IGF2R: variants seen among roughly 807,000 people sequenced by gnomAD.
The protein encoded by IGF2R is insulin like growth factor 2 receptor, also known as cation-independent mannose-6-phosphate receptor.
In IGF2R, 91 loss-of-function variants were observed where a neutral mutation model predicts 270.6. The observed-to-expected ratio is 0.34, with a 90% CI of 0.28 to 0.40. The LOEUF is 0.40. Among genes scored for constraint, IGF2R ranks in the 10% least tolerant of loss-of-function variants. The pLI is 1.00. For missense variants in IGF2R, 2,805 were observed against 3,188.3 expected, an observed-to-expected ratio of 0.88 and a Z score of 2.90; for synonymous variants, 1,316 against 1,258.9, an observed-to-expected ratio of 1.05 and a Z score of -0.96.
At position 160,004,610 on chromosome 6, in the gene IGF2R, A is replaced by G. The variant is rs1033953121; in HGVS notation, c.290-4400A>G. The G allele has an allele frequency of 4.7e-4, 73 of 153,978 alleles. No individual in the cohort carries two copies. Among genetic ancestry groups the G allele is most frequent in the Non-Finnish European group, 9.8e-4 (68 of 69,564 alleles). The allele number at this position is 153,978 out of a possible 1,614,324, so 9.5% of individuals were successfully genotyped here. A position where few individuals can be genotyped will look rare whatever the true frequency, so the allele number is the denominator to read the frequency against. The stretch of plus-strand genomic sequence containing the variant: ...GGGTGGTGTGGCCTGGCTGGCACCG[A>G]GGTCCCTGCGGATTCTGGAGAACCT... On this transcript the variant is annotated intron_variant, in intron 2 of 47. Transcript: ENST00000356956. This position sits in a 1 kb window ranked among gnomAD's most constrained non-coding sequence, Gnocchi z 5.2.
chr6:160,045,322 G>A (rs974778908), intron 13 of IGF2R, among the ~76,000 whole-genome samples: 2 of 152,176 alleles, frequency 1.3e-5, no homozygotes, highest in Non-Finnish European at 2.9e-5. Flanking sequence ...GTTCCCAGCT[G>A]TGGGATAAAG....
At chr6:160,006,222 C>A (rs535852645) in intron 2 of IGF2R, 6 of 158,586 alleles carry the variant, frequency 3.8e-5, no homozygotes, top group East Asian at 3.8e-4. Flanking sequence ...CTCGCGCCTC[C>A]CCCCTTCGCG....
intron 19 of IGF2R, among the ~76,000 whole-genome samples, chr6:160,054,697 T>G (rs1338192798): frequency 6.6e-6 from 1 of 152,216 alleles, no homozygotes; most frequent in Non-Finnish European, 1.5e-5. Flanking sequence ...TGGGGTGTGT[T>G]CAGTCAGTTA....
chr6:160,087,019 G>C (rs1779110881), intron 41 of IGF2R, among the ~76,000 whole-genome samples: 1 of 152,190 alleles, frequency 6.6e-6, no homozygotes, highest in Non-Finnish European at 1.5e-5. Context: ...GCAGCCTCTT[G>C]GTGGTGGCTT....
At chr6:160,098,489 T>A (rs1779413959) in intron 45 of IGF2R, among the ~76,000 whole-genome samples, 1 of 152,178 alleles carries the variant, frequency 6.6e-6, no homozygotes, top group South Asian at 2.1e-4. Context: ...GAGATTTTTT[T>A]TTCCCCAAAT....
intron 32 of IGF2R, among the ~76,000 whole-genome samples, chr6:160,072,482 T>A (rs1224721921): frequency 2.0e-5 from 3 of 152,104 alleles, no homozygotes; most frequent in Non-Finnish European, 4.4e-5. Flanking sequence ...CTGGGCAGGC[T>A]CTCCCCATGC....
intron 39 of IGF2R, among the ~76,000 whole-genome samples, chr6:160,081,040 G>A (rs945641387): frequency 1.3e-5 from 2 of 151,582 alleles, no homozygotes; most frequent in African/African-American, 4.9e-5. Context: ...GCAGGAGGAT[G>A]GTGTGTACCC....
rs556861162 is a variant in IGF2R at position 160,089,366 on chromosome 6, A to G, written c.6467+113A>G. Reference sequence around the variant, plus strand: ...GGATAAATAGGTCTGTGTTTTAGTTACTGTTGCTGGAGTCATCGTCATCTT... The same window carrying G: ...GGATAAATAGGTCTGTGTTTTAGTTGCTGTTGCTGGAGTCATCGTCATCTT... On this transcript the variant is annotated intron_variant, in intron 43 of 47. Coordinates refer to ENST00000356956, the MANE Select transcript of IGF2R (RefSeq NM_000876.4). 50 of 939,574 alleles carry G rather than the reference A, an allele frequency of 5.3e-5. No individual in the cohort carries two copies. The South Asian group carries it at 8.2e-4, about 15-fold the overall frequency. The allele number at this position is 939,574 out of a possible 1,614,324, so 58.2% of individuals were successfully genotyped here.
At position 160,069,596 on chromosome 6, in the gene IGF2R, A is replaced by G. The variant is rs574786390; in HGVS notation, c.4253-272A>G. 3.9e-5 allele frequency among the ~76,000 whole-genome samples: 6 copies of G among 152,334 alleles called. No individual in the cohort carries two copies. The East Asian group carries it at 1.2e-3, about 29-fold the overall frequency. On this transcript the variant is annotated intron_variant, in intron 30 of 47. Coordinates refer to ENST00000356956, the MANE Select transcript of IGF2R (RefSeq NM_000876.4). Reference sequence around the variant, plus strand: ...ATAACCTTCATCCTATATGGGGTTCAGAAAGAATTTCGACTGCTACAGCCT... The same window carrying G: ...ATAACCTTCATCCTATATGGGGTTCGGAAAGAATTTCGACTGCTACAGCCT...
intron 19 of IGF2R, among the ~76,000 whole-genome samples, chr6:160,051,862 TG>T: frequency 6.6e-6 from 1 of 152,072 alleles, no homozygotes. Context: ...CTCTGGAGGC[TG>T]AGGCAGGAGG....
rs566382379 is a variant in IGF2R, at chr6:160,084,829, C to CT, written c.6069-155dup. On this transcript the variant is annotated intron_variant, in intron 40 of 47. Coordinates refer to ENST00000356956, the MANE Select transcript of IGF2R (RefSeq NM_000876.4). This position sits in a 1 kb window ranked among gnomAD's most constrained non-coding sequence, Gnocchi z 4.6. ...TTCTTCAGTGAAGACTTCTTTTGCC[C>CT]TTTTTTTTTTTAATTGGAAAAGCTA... Among the ~76,000 whole-genome samples, 542 of 146,908 alleles carry CT rather than the reference C, an allele frequency of 3.7e-3. 1 individual carries two copies. Among genetic ancestry groups the CT allele is most frequent in the African/African-American group, 0.01 (420 of 40,202 alleles).
chr6:160,019,342 A>G (rs1292570614), intron 4 of IGF2R, among the ~76,000 whole-genome samples: 12 of 152,258 alleles, frequency 7.9e-5, no homozygotes, highest in Middle Eastern at 3.4e-3. Flanking sequence ...ACCTCCCAAC[A>G]AAAAAAGCTC....
Position 159,985,456 on chromosome 6 carries a change from G to A in IGF2R, c.150-5728G>A, listed in dbSNP as rs373927979. Among the ~76,000 whole-genome samples, 8 of 152,306 alleles carry A rather than the reference G, an allele frequency of 5.3e-5. No homozygotes were observed. The East Asian group carries it at 5.8e-4, about 11-fold the overall frequency. ...TGGGAGGGTTGGATAATGGCATCAC[G>A]TTCTGTGGGGAGATTTGGCTCACAT... On this transcript the variant is annotated intron_variant, in intron 1 of 47. Coordinates refer to ENST00000356956, the MANE Select transcript of IGF2R (RefSeq NM_000876.4).
intron 29 of IGF2R, among the ~76,000 whole-genome samples, chr6:160,067,980 A>C (rs1011007231): frequency 1.3e-5 from 2 of 151,602 alleles, no homozygotes; most frequent in Non-Finnish European, 2.9e-5. Flanking sequence ...TTTCTGTTAA[A>C]ATTTAAATTT....
At chr6:160,077,200 A>C (rs1778871915) in intron 36 of IGF2R, among the ~76,000 whole-genome samples, 1 of 152,198 alleles carries the variant, frequency 6.6e-6, no homozygotes, top group African/African-American at 2.4e-5. Flanking sequence ...GTTAGTAAGG[A>C]AAGGCAGAGC....
intron 2 of IGF2R, among the ~76,000 whole-genome samples, chr6:160,002,580 G>C (rs1333618782): frequency 6.6e-6 from 1 of 152,124 alleles, no homozygotes; most frequent in Non-Finnish European, 1.5e-5. Context: ...TGTATAAGTG[G>C]ACCTGGGAAG....
At chr6:159,983,504 T>C (rs1004168444) in intron 1 of IGF2R, among the ~76,000 whole-genome samples, 2 of 152,228 alleles carry the variant, frequency 1.3e-5, no homozygotes, top group African/African-American at 2.4e-5. Flanking sequence ...GAGCTTTCTT[T>C]ATGGGAAAGA....
Position 160,079,686 on chromosome 6 carries a change from AG to A in IGF2R, c.5590del (p.Ala1864HisfsTer9). ...DGGVCLLSGT[K>X]GASFGRLQSM... ...GGAGTCTGTCTGCTCTCAGGCACCA[AG>A]GGGGCATCCTTTGGACGGCTGCAAT... is the stretch of plus-strand genomic sequence containing the variant. On this transcript the variant is annotated frameshift_variant, in exon 38 of 48. Coordinates refer to ENST00000356956, the MANE Select transcript of IGF2R (RefSeq NM_000876.4). LOFTEE classifies it high-confidence loss of function. 1.9e-6 allele frequency: 3 copies of A among 1,549,224 alleles called. No individual in the cohort carries two copies. Among genetic ancestry groups the A allele is most frequent in the Admixed American group, 2.1e-5 (1 of 47,844 alleles).
intron 2 of IGF2R, among the ~76,000 whole-genome samples, chr6:159,992,579 T>C (rs1783995141): frequency 6.6e-6 from 1 of 150,956 alleles, no homozygotes; most frequent in Non-Finnish European, 1.5e-5. Context: ...GTGGAATTTG[T>C]CCATAGAAAA....
Sources: gnomAD v4.1 joint callset for allele counts (sites outside exome capture counted in the v4.1 genomes callset) on GRCh38, gnomAD v4.1.1 for gene constraint, Gnocchi (gnomAD v3.1) non-coding constraint, MANE v1.5 for transcripts, NCBI Gene and HGNC (gene_info 2026-07-23, HGNC 2026-07-21) for gene names.